Variants in TMEM62 observed in about 807,000 individuals in gnomAD.
The protein encoded by TMEM62 is transmembrane protein 62.
Under a neutral mutation model 70.4 loss-of-function variants are expected in TMEM62, and 41 were observed. The ratio of observed to expected loss-of-function variants is 0.58; its 90% confidence interval spans 0.45 to 0.76. The LOEUF is 0.76. Ranked by LOEUF, TMEM62 falls within the 30% of genes least tolerant of loss-of-function variation. TMEM62 has a pLI of 0.00. For synonymous variants in TMEM62, 268 were observed against 291.0 expected (o/e 0.92, Z 0.80); for missense variants, 688 against 788.5 (o/e 0.87, Z 1.53).
intron 10 of TMEM62, among the ~76,000 whole-genome samples, chr15:43,161,610 G>GTA (rs769417299): frequency 7.9e-5 from 12 of 151,888 alleles, no homozygotes; most frequent in Non-Finnish European, 1.2e-4. Context: ...ATACACATGT[G>GTA]TATATATATA....
At chr15:43,162,811 C>G (rs944357584) in intron 10 of TMEM62, among the ~76,000 whole-genome samples, 1 of 152,018 alleles carries the variant, frequency 6.6e-6, no homozygotes, top group Non-Finnish European at 1.5e-5. Flanking sequence ...ATAAATAATG[C>G]TTGTAACTAA....
intron 7 of TMEM62, among the ~76,000 whole-genome samples, 196 bp downstream of exon 7, chr15:43,149,347 C>T (rs2037078487): frequency 6.6e-6 from 1 of 152,054 alleles, no homozygotes; most frequent in African/African-American, 2.4e-5. Flanking sequence ...TTTACTATCA[C>T]TATGTTACAT....
intron 4 of TMEM62, among the ~76,000 whole-genome samples, chr15:43,143,923 C>T (rs886650333): frequency 6.6e-6 from 1 of 152,154 alleles, no homozygotes; most frequent in Non-Finnish European, 1.5e-5. Flanking sequence ...GTGAGAGATA[C>T]ATGAGTTAAT....
At chr15:43,176,515 T>C (rs1392184249) in intron 11 of TMEM62, among the ~76,000 whole-genome samples, 1 of 152,160 alleles carries the variant, frequency 6.6e-6, no homozygotes, top group Non-Finnish European at 1.5e-5. Flanking sequence ...GACAGCAGCA[T>C]TCGCGGTTCA....
Position 43,146,522 on chromosome 15 carries a change from C to T in TMEM62, c.506C>T (p.Ser169Phe). The T allele has an allele frequency of 6.2e-7, 1 of 1,613,428 alleles. No homozygotes were observed. Residue 169 changes from serine (S) to phenylalanine (F), a missense_variant, in exon 5 of 14, where the codon TCT becomes TTT. Transcript: ENST00000260403. ...RKYSAVRRDG[S>F]FHYVHSTPFG... Reference sequence around the variant, plus strand: ...TATTCTGCTGTACGTAGAGATGGCTCTTTCCATTATGTCCACAGTACTCCC... The same window carrying T: ...TATTCTGCTGTACGTAGAGATGGCTTTTTCCATTATGTCCACAGTACTCCC...
chr15:43,151,118 G>C (rs982715152), intron 7 of TMEM62, among the ~76,000 whole-genome samples: 1 of 152,140 alleles, frequency 6.6e-6, no homozygotes, highest in Non-Finnish European at 1.5e-5. Context: ...GCCAAGGTGA[G>C]GGGGATCACC....
At chr15:43,171,453 C>G (rs1384541232) in intron 11 of TMEM62, among the ~76,000 whole-genome samples, 17 of 151,908 alleles carry the variant, frequency 1.1e-4, no homozygotes, top group Non-Finnish European at 8.8e-5. Context: ...CATTATTCTC[C>G]TAAACTCCTA....
At position 43,167,622 on chromosome 15, in the gene TMEM62, C is replaced by T. The variant is rs1171457533; in HGVS notation, c.1297-1971C>T. 7.9e-5 allele frequency among the ~76,000 whole-genome samples: 12 copies of T among 151,182 alleles called. No homozygotes were observed. The East Asian group carries it at 1.4e-3, about 17-fold the overall frequency. ...AGATGTGATGGCGGCCAGGCAGAGA[C>T]GCTCCTCACTTTCCAGACTGGGCAG... On this transcript the variant is annotated intron_variant, in intron 10 of 13. Coordinates refer to ENST00000260403, the MANE Select transcript of TMEM62 (RefSeq NM_024956.4).
intron 9 of TMEM62, among the ~76,000 whole-genome samples, chr15:43,157,988 T>TC (rs1481730995): frequency 2.0e-5 from 3 of 152,022 alleles, no homozygotes; most frequent in African/African-American, 4.8e-5. Context: ...ATCCCTTACC[T>TC]CCCCCCTCTT....
intron 4 of TMEM62, among the ~76,000 whole-genome samples, chr15:43,145,203 A>ATTT (rs201610622): frequency 5.8e-5 from 5 of 85,766 alleles, no homozygotes; most frequent in Non-Finnish European, 1.2e-4. Flanking sequence ...CTGAAATAGA[A>ATTT]TTTTTTTTTT....
At chr15:43,162,430 GC>G (rs2038842181) in intron 10 of TMEM62, among the ~76,000 whole-genome samples, 1 of 133,250 alleles carries the variant, frequency 7.5e-6, no homozygotes, top group South Asian at 2.2e-4. Flanking sequence ...ACTGCCCCTG[GC>G]CCTTTTTTTT....
At chr15:43,165,632 C>A (rs2141906626) in intron 10 of TMEM62, among the ~76,000 whole-genome samples, 1 of 151,904 alleles carries the variant, frequency 6.6e-6, no homozygotes, top group Non-Finnish European at 1.5e-5. Context: ...ACTCGGGAGG[C>A]TGAGGCAGGA....
chr15:43,158,014 A>G (rs2038258416), intron 9 of TMEM62, among the ~76,000 whole-genome samples: 1 of 151,762 alleles, frequency 6.6e-6, no homozygotes, highest in South Asian at 2.1e-4. Context: ...TACCCTTAAA[A>G]TTTATTTGTT....
intron 10 of TMEM62, among the ~76,000 whole-genome samples, chr15:43,167,995 A>G (rs1158949016): frequency 6.6e-6 from 1 of 151,936 alleles, no homozygotes; most frequent in Admixed American, 6.5e-5. Flanking sequence ...GTGGCGGCGC[A>G]CGCCTGCAAT....
At chr15:43,168,173 C>CGGAGAGGGAGAGGGAGAGGGGGAG (rs1491201775) in intron 10 of TMEM62, among the ~76,000 whole-genome samples, 1 of 62,188 alleles carries the variant, frequency 1.6e-5, no homozygotes, top group African/African-American at 8.5e-5. Context: ...GAGAGGGAGA[C>CGGAGAGGGAGAGGGAGAGGGGGAG]GGAGACGGAG....
intron 11 of TMEM62, among the ~76,000 whole-genome samples, chr15:43,172,001 A>G (rs1023937976): frequency 6.6e-6 from 1 of 152,178 alleles, no homozygotes; most frequent in Non-Finnish European, 1.5e-5. Context: ...ACTGTTATAT[A>G]TTAACATCTC....
At chr15:43,134,984 G>C (rs2035012926) in intron 2 of TMEM62, among the ~76,000 whole-genome samples, 1 of 152,194 alleles carries the variant, frequency 6.6e-6, no homozygotes, top group Non-Finnish European at 1.5e-5. Context: ...TGACATGAAA[G>C]GGTATCAGTT....
intron 11 of TMEM62, among the ~76,000 whole-genome samples, chr15:43,175,230 AAAG>A (rs1369963017): frequency 1.4e-4 from 21 of 152,356 alleles, no homozygotes; most frequent in African/African-American, 5.1e-4. Context: ...CTAGAACAAA[AAAG>A]AAGCTGAGAG....
At position 43,167,532 on chromosome 15, in the gene TMEM62, C is replaced by T. The variant is rs368348835; in HGVS notation, c.1297-2061C>T. 4.1e-4 allele frequency among the ~76,000 whole-genome samples: 63 copies of T among 151,918 alleles called. 1 individual carries two copies. The East Asian group carries it at 0.012, about 28-fold the overall frequency. ...CCCCACATCTCAGACGATGGGCAGC[C>T]GGGCAGAGACGCTCCTCACTTCCTA... On this transcript the variant is annotated intron_variant, in intron 10 of 13. Coordinates refer to ENST00000260403, the MANE Select transcript of TMEM62 (RefSeq NM_024956.4).
Sources: gnomAD v4.1 joint callset for allele counts (sites outside exome capture counted in the v4.1 genomes callset) on GRCh38, gnomAD v4.1.1 for gene constraint, MANE v1.5 for transcripts, NCBI Gene and HGNC (gene_info 2026-07-23, HGNC 2026-07-21) for gene names.